UBAP1: variants seen among roughly 807,000 people sequenced by gnomAD.
The protein encoded by UBAP1 is ubiquitin associated protein 1, also known as ubiquitin-associated protein 1.
UBAP1 carries 5 observed loss-of-function variants against 39.0 expected under a neutral mutation model. The observed-to-expected ratio is 0.13, with a 90% CI of 0.07 to 0.27. UBAP1 has a LOEUF of 0.27. Ranked by LOEUF, UBAP1 falls within the 10% of genes least tolerant of loss-of-function variation. The pLI, the probability that UBAP1 is intolerant of heterozygous loss-of-function variation, is 1.00. For missense variants in UBAP1, 490 were observed against 608.1 expected, an observed-to-expected ratio of 0.81 and a Z score of 2.04; for synonymous variants, 211 against 225.1, an observed-to-expected ratio of 0.94 and a Z score of 0.56.
At chr9:34,214,810 T>C (rs971836484) in intron 1 of UBAP1, among the ~76,000 whole-genome samples, 3 of 151,834 alleles carry the variant, frequency 2.0e-5, no homozygotes, top group African/African-American at 4.8e-5. Context: ...CATCAAAAAG[T>C]GGGCTAAGGA....
chr9:34,225,630 A>T (rs1587853375), intron 2 of UBAP1, among the ~76,000 whole-genome samples: 3 of 151,914 alleles, frequency 2.0e-5, no homozygotes, highest in East Asian at 1.9e-4. Context: ...ACAAAAAAAA[A>T]TTAGCCGAGC....
chr9:34,188,443 TTTTTA>T (rs1830535368), intron 1 of UBAP1, among the ~76,000 whole-genome samples: 1 of 150,846 alleles, frequency 6.6e-6, no homozygotes. Context: ...TTTTTTTTTT[TTTTTA>T]AAGAGATGGG....
chr9:34,190,140 C>T (rs920746264), intron 1 of UBAP1, among the ~76,000 whole-genome samples: 1 of 152,090 alleles, frequency 6.6e-6, no homozygotes, highest in Non-Finnish European at 1.5e-5. Context: ...ACAAGTTTAC[C>T]TATGTAACAA....
intron 1 of UBAP1, among the ~76,000 whole-genome samples, chr9:34,199,351 G>A (rs143818500): frequency 1.3e-5 from 2 of 152,302 alleles, no homozygotes; most frequent in African/African-American, 4.8e-5. Context: ...GGGATTACAG[G>A]CATGAGCCAC....
chr9:34,197,597 T>C (rs1587806507), intron 1 of UBAP1, among the ~76,000 whole-genome samples: 1 of 152,220 alleles, frequency 6.6e-6, no homozygotes, highest in South Asian at 2.1e-4. Context: ...TCATCTAGGC[T>C]GGAGTGCAGT....
intron 1 of UBAP1, among the ~76,000 whole-genome samples, chr9:34,199,084 A>T (rs556605726): frequency 1.2e-4 from 19 of 152,050 alleles, no homozygotes; most frequent in Admixed American, 7.9e-4. Context: ...TTATTTATTT[A>T]TTTTTTTGAG....
At chr9:34,199,266 G>A (rs1831231997) in intron 1 of UBAP1, among the ~76,000 whole-genome samples, 1 of 152,002 alleles carries the variant, frequency 6.6e-6, no homozygotes, top group Non-Finnish European at 1.5e-5. Flanking sequence ...GTAGAGATGG[G>A]GTTTCACCGT....
rs10972015 is a variant in UBAP1, at chr9:34,242,194, C to T, written c.1083+86C>T. On this transcript the variant is annotated intron_variant, in intron 4 of 6. Coordinates refer to ENST00000297661, the MANE Select transcript of UBAP1 (RefSeq NM_016525.5). The stretch of plus-strand genomic sequence containing the variant: ...TTCTTGTTGTTTGGTTGATTTTTTT[C>T]GAGACAGGGTCTCATTCTGTTGCCC... 0.16 allele frequency: 217,385 copies of T among 1,379,538 alleles called. 18,719 individuals carry two copies. The highest frequency in any genetic ancestry group is 0.18 in the Non-Finnish European group (183,214 of 1,012,748). The allele number at this position is 1,379,538 out of a possible 1,614,324, so 85.5% of individuals were successfully genotyped here. A position where few individuals can be genotyped will look rare whatever the true frequency, so the allele number is the denominator to read the frequency against.
chr9:34,237,707 A>G (rs1293722815), intron 3 of UBAP1, among the ~76,000 whole-genome samples: 1 of 151,984 alleles, frequency 6.6e-6, no homozygotes, highest in East Asian at 1.9e-4. Flanking sequence ...AGCTGGGACT[A>G]TTGGCATGCA....
chr9:34,193,520 C>T (rs1210194025), intron 1 of UBAP1, among the ~76,000 whole-genome samples: 2 of 151,978 alleles, frequency 1.3e-5, no homozygotes, highest in Admixed American at 6.6e-5. Context: ...GCCTGCACAC[C>T]CCTGGACACC....
intron 1 of UBAP1, chr9:34,212,053 A>C: frequency 2.4e-6 from 1 of 419,520 alleles, no homozygotes; most frequent in Non-Finnish European, 4.8e-6. Flanking sequence ...AAGAAAAAGA[A>C]TATGTTTTAT....
intron 2 of UBAP1, among the ~76,000 whole-genome samples, chr9:34,225,462 C>T (rs1287728509): frequency 2.0e-5 from 3 of 152,040 alleles, no homozygotes; most frequent in Non-Finnish European, 2.9e-5. Context: ...TAAGGACTTT[C>T]TTGGAGCCTG....
At chr9:34,221,094 A>G (rs977638363) in intron 2 of UBAP1, 146 bp downstream of exon 2, 46 of 695,742 alleles carry the variant, frequency 6.6e-5, no homozygotes, top group Non-Finnish European at 1.0e-4. Context: ...CAATGTATCA[A>G]GTATATCTGA....
At chr9:34,208,500 G>A (rs973388109) in intron 1 of UBAP1, among the ~76,000 whole-genome samples, 12 of 152,172 alleles carry the variant, frequency 7.9e-5, no homozygotes, top group Middle Eastern at 3.4e-3. Flanking sequence ...AAAATTAGCC[G>A]GGCGCGGTGG....
At chr9:34,218,999 AATAC>A (rs1422937105) in intron 1 of UBAP1, among the ~76,000 whole-genome samples, 3 of 152,310 alleles carry the variant, frequency 2.0e-5, no homozygotes, top group African/African-American at 7.2e-5. Flanking sequence ...GAAAATTGAT[AATAC>A]ATACACTTTA....
intron 1 of UBAP1, among the ~76,000 whole-genome samples, chr9:34,196,898 T>TTGTG (rs777008697): frequency 0.15 from 20,880 of 141,216 alleles, 1,669 homozygotes; most frequent in East Asian, 0.32. Flanking sequence ...ATATTGTTAT[T>TTGTG]TGTGTGTGTG....
intron 1 of UBAP1, among the ~76,000 whole-genome samples, chr9:34,205,343 C>T (rs1831626122): frequency 6.6e-6 from 1 of 152,172 alleles, no homozygotes; most frequent in Non-Finnish European, 1.5e-5. Flanking sequence ...GACTCCCATT[C>T]TGATTTTTAA....
intron 1 of UBAP1, among the ~76,000 whole-genome samples, chr9:34,218,551 T>C (rs528992984): frequency 1.3e-5 from 2 of 152,266 alleles, no homozygotes; most frequent in African/African-American, 4.8e-5. Flanking sequence ...TAGATACCGC[T>C]ACTTTCCCAA....
At chr9:34,224,586 C>T (rs563235008) in intron 2 of UBAP1, 3 of 419,050 alleles carry the variant, frequency 7.2e-6, no homozygotes, top group Non-Finnish European at 1.2e-5. Context: ...CTCTTGCCCC[C>T]GGTCTTGCGG....
Sources: allele counts gnomAD v4.1 joint callset (sites outside exome capture counted in the v4.1 genomes callset), GRCh38; gene constraint gnomAD v4.1.1; transcripts MANE v1.5; gene names NCBI Gene and HGNC (gene_info 2026-07-23, HGNC 2026-07-21).